The following B3GLCT variants were observed in gnomAD, a reference collection of about 807,000 sequenced individuals.
B3GLCT encodes the protein beta-1,3-glucosyltransferase.
A neutral mutation model predicts 63.4 loss-of-function variants in B3GLCT; 65 were observed. The ratio of observed to expected loss-of-function variants is 1.03; its 90% CI spans 0.84 to 1.26. The LOEUF is 1.26. Among genes scored for constraint, B3GLCT ranks in the 50% most tolerant of loss-of-function variants. B3GLCT has a pLI of 0.00. For missense variants in B3GLCT, 577 were observed against 604.8 expected (o/e 0.95, Z 0.48); for synonymous variants, 233 against 219.2 (o/e 1.06, Z -0.55).
chr13:31,260,888 A>C, intron 6 of B3GLCT, 58 bp from the exon 7 acceptor site: 1 of 1,508,810 alleles, frequency 6.6e-7, no homozygotes, highest in Non-Finnish European at 9.2e-7. Flanking sequence ...ACCACCTTCT[A>C]TTGGTCTTAC....
At chr13:31,284,873 A>C (rs1205419228) in intron 11 of B3GLCT, 112 bp downstream of exon 11, 1 of 748,728 alleles carries the variant, frequency 1.3e-6, no homozygotes, top group African/African-American at 1.7e-5. Flanking sequence ...TTTTTGCCTC[A>C]TATTAGTTTT....
chr13:31,251,841 A>G lies in B3GLCT; in HGVS notation c.459+3875A>G, dbSNP rs563681565. ...TTCCCCAACGTAGCAAAGCAGGTCAACATTCAAACTCAGAAATATGGAGAA... is the reference window on the plus strand; with the variant it reads ...TTCCCCAACGTAGCAAAGCAGGTCAGCATTCAAACTCAGAAATATGGAGAA... On this transcript the variant is annotated intron_variant, in intron 6 of 14. Coordinates refer to ENST00000343307, the MANE Select transcript of B3GLCT (RefSeq NM_194318.4). Among the ~76,000 whole-genome samples, 58 of 152,244 alleles carry G rather than the reference A, an allele frequency of 3.8e-4. 2 individuals are homozygous for G. Among genetic ancestry groups the G allele is most frequent in the Non-Finnish European group, 3.5e-4 (24 of 68,046 alleles).
chr13:31,322,563 T>A (rs995350799), intron 13 of B3GLCT, among the ~76,000 whole-genome samples: 15 of 152,200 alleles, frequency 9.9e-5, no homozygotes, highest in Non-Finnish European at 2.2e-4. Flanking sequence ...AAAGAACTCA[T>A]CAGCATGCTA....
At chr13:31,245,329 G>T (rs1342940736) in intron 4 of B3GLCT, among the ~76,000 whole-genome samples, 1 of 152,088 alleles carries the variant, frequency 6.6e-6, no homozygotes, top group African/African-American at 2.4e-5. Flanking sequence ...CTATAACTAG[G>T]AAGTATAATA....
At position 31,212,388 on chromosome 13, in the gene B3GLCT, C is replaced by T. The variant is rs566055622; in HGVS notation, c.71-2663C>T. ...CTCCTGGGTTCAAGCGATTCTCCTG[C>T]CTCAGCCTCCCGAGTAGCTGGGACT... On this transcript the variant is annotated intron_variant, in intron 1 of 14. Coordinates refer to ENST00000343307, the MANE Select transcript of B3GLCT (RefSeq NM_194318.4). 5.3e-5 allele frequency among the ~76,000 whole-genome samples: 8 copies of T among 151,768 alleles called. No homozygotes were observed. The South Asian group carries it at 1.5e-3, about 28-fold the overall frequency.
intron 14 of B3GLCT, among the ~76,000 whole-genome samples, chr13:31,328,417 G>A (rs574812726): frequency 1.3e-5 from 2 of 152,136 alleles, no homozygotes; most frequent in African/African-American, 4.8e-5. Context: ...TTACTGGCTG[G>A]GCAAAGTGGC....
At position 31,211,425 on chromosome 13, in the gene B3GLCT, TC is replaced by T. The variant is rs146033259; in HGVS notation, c.71-3625del. 9.8e-3 allele frequency among the ~76,000 whole-genome samples: 1,493 copies of T among 152,312 alleles called. 27 individuals carry two copies. Among genetic ancestry groups the T allele is most frequent in the African/African-American group, 0.034 (1,429 of 41,566 alleles). ...AAAACAAAAAACAACTGGAATTTTT[TC>T]TAAGGATTATCTTGTTTTATGATTT... On this transcript the variant is annotated intron_variant, in intron 1 of 14. Transcript: ENST00000343307.
rs909306717 is a variant in B3GLCT at position 31,329,366 on chromosome 13, C to A, written c.1330-135C>A. 5.9e-5 allele frequency: 57 copies of A among 974,136 alleles called. No individual in the cohort carries two copies. The Admixed American group carries it at 1.1e-3, about 19-fold the overall frequency. The allele number at this position is 974,136 out of a possible 1,614,324, so 60.3% of individuals were successfully genotyped here. ...GAAGAAAGATATCAGAAAATAGTTTCCTTTTTGCTTTTAGATTCCTATAGC... is the reference window on the plus strand; with the variant it reads ...GAAGAAAGATATCAGAAAATAGTTTACTTTTTGCTTTTAGATTCCTATAGC... On this transcript the variant is annotated intron_variant, in intron 14 of 14. Transcript: ENST00000343307.
intron 1 of B3GLCT, among the ~76,000 whole-genome samples, chr13:31,213,049 T>C (rs553807572): frequency 1.4e-4 from 21 of 151,604 alleles, no homozygotes; most frequent in Middle Eastern, 3.4e-3. Context: ...CGCGTGCGCG[T>C]GTGTGTGTAT....
chr13:31,277,729 G>A (rs1188492325), intron 10 of B3GLCT, among the ~76,000 whole-genome samples: 1 of 152,048 alleles, frequency 6.6e-6, no homozygotes, highest in Non-Finnish European at 1.5e-5. Flanking sequence ...TGAGATTATA[G>A]TATTGTCTAA....
chr13:31,202,756 C>T (rs1193707389), intron 1 of B3GLCT, among the ~76,000 whole-genome samples: 1 of 152,152 alleles, frequency 6.6e-6, no homozygotes, highest in Non-Finnish European at 1.5e-5. Context: ...TGTTATCCTC[C>T]TTCCCATTGC....
At chr13:31,244,356 G>A (rs954772295) in intron 4 of B3GLCT, among the ~76,000 whole-genome samples, 1 of 152,116 alleles carries the variant, frequency 6.6e-6, no homozygotes, top group Admixed American at 6.5e-5. Flanking sequence ...GCCAGGCGTG[G>A]TGGTGCACCC....
intron 4 of B3GLCT, among the ~76,000 whole-genome samples, chr13:31,231,608 C>G (rs1870385067): frequency 1.3e-5 from 2 of 152,174 alleles, no homozygotes; most frequent in South Asian, 4.1e-4. Context: ...ATATTCATTG[C>G]TGGCTCTCTA....
chr13:31,293,697 G>C (rs1873794908), intron 12 of B3GLCT, among the ~76,000 whole-genome samples: 1 of 152,108 alleles, frequency 6.6e-6, no homozygotes, highest in East Asian at 1.9e-4. Context: ...GCCTATGGGT[G>C]TCTTTGCACA....
chr13:31,243,579 A>C (rs926848111), intron 4 of B3GLCT, among the ~76,000 whole-genome samples: 1 of 152,210 alleles, frequency 6.6e-6, no homozygotes, highest in South Asian at 2.1e-4. Context: ...CATTCTAAAA[A>C]TATTGTGAGA....
intron 1 of B3GLCT, among the ~76,000 whole-genome samples, chr13:31,212,686 A>T (rs924906809): frequency 6.6e-6 from 1 of 152,164 alleles, no homozygotes; most frequent in Non-Finnish European, 1.5e-5. Flanking sequence ...CTGGGATTAC[A>T]CAGATGTGAG....
chr13:31,228,616 A>T (rs565121513), intron 3 of B3GLCT, among the ~76,000 whole-genome samples: 1 of 152,230 alleles, frequency 6.6e-6, no homozygotes, highest in South Asian at 2.1e-4. Context: ...TGTGTCATTT[A>T]TGTGTCCAAA....
At chr13:31,202,185 G>A (rs1868707099) in intron 1 of B3GLCT, among the ~76,000 whole-genome samples, 1 of 152,148 alleles carries the variant, frequency 6.6e-6, no homozygotes, top group Non-Finnish European at 1.5e-5. Context: ...TGACTATATA[G>A]TTTAGTTTCC....
intron 11 of B3GLCT, among the ~76,000 whole-genome samples, chr13:31,285,685 A>C (rs555827391): frequency 6.6e-6 from 1 of 151,044 alleles, no homozygotes; most frequent in African/African-American, 2.4e-5. Flanking sequence ...TGTTAGTGTC[A>C]CTCATAATTC....
Sources: gnomAD v4.1 joint callset for allele counts (sites outside exome capture counted in the v4.1 genomes callset) on GRCh38, gnomAD v4.1.1 for gene constraint, MANE v1.5 for transcripts, NCBI Gene and HGNC (gene_info 2026-07-23, HGNC 2026-07-21) for gene names.